SYNE1: variants seen among roughly 807,000 people sequenced by gnomAD.
SYNE1 encodes the protein spectrin repeat containing nuclear envelope protein 1, also known as nesprin-1.
Under a neutral mutation model 1,111.0 loss-of-function variants are expected in SYNE1, and 616 were observed. The ratio of observed to expected loss-of-function variants is 0.55; its 90% CI spans 0.52 to 0.59. The LOEUF is 0.59. Among genes scored for constraint, SYNE1 ranks in the 20% least tolerant of loss-of-function variants. The pLI, the probability that SYNE1 is intolerant of heterozygous loss-of-function variation, is 0.00. For missense variants in SYNE1, 10,006 were observed against 10,417.0 expected (o/e 0.96, Z 1.72); for synonymous variants, 3,855 against 3,825.8 (o/e 1.01, Z -0.28).
At chr6:152,551,552 A>G (rs2099346919) in intron 3 of SYNE1, among the ~76,000 whole-genome samples, 1 of 152,216 alleles carries the variant, frequency 6.6e-6, no homozygotes, top group African/African-American at 2.4e-5. Flanking sequence ...ACAGGAATCA[A>G]AAAGAATTAC....
intron 133 of SYNE1, among the ~76,000 whole-genome samples, chr6:152,154,045 AG>A (rs2060909538): frequency 6.6e-6 from 1 of 152,248 alleles, no homozygotes; most frequent in Non-Finnish European, 1.5e-5. Flanking sequence ...GGGCATAATT[AG>A]CAATGGTCAG....
At chr6:152,262,241 G>A in intron 100 of SYNE1, 53 bp from the exon 101 acceptor site, 1 of 1,535,638 alleles carries the variant, frequency 6.5e-7, no homozygotes. Context: ...AAAGTGATAA[G>A]ACAGGTAACT....
chr6:152,634,771 T>C (rs1364320109), intron 2 of SYNE1, among the ~76,000 whole-genome samples: 1 of 152,264 alleles, frequency 6.6e-6, no homozygotes, highest in Non-Finnish European at 1.5e-5. Flanking sequence ...AAAGTATAAA[T>C]TACAACCAAA....
chr6:152,122,826 G>T, intron 145 of SYNE1, 150 bp from the exon 146 acceptor site: 2 of 1,176,650 alleles, frequency 1.7e-6, no homozygotes, highest in East Asian at 4.9e-5. Flanking sequence ...GTGTGCCCAG[G>T]TCACCCCCCA....
rs762816030 is a variant in SYNE1, at chr6:152,391,361, C to T, written c.7920G>A (p.Val2640=). 6.2e-7 allele frequency: 1 copy of T among 1,614,092 alleles called. No homozygotes were observed. Among genetic ancestry groups the T allele is most frequent in the Non-Finnish European group, 8.5e-7 (1 of 1,180,016 alleles). ...AGGCCAGTCTGTCCTGAATGGCCTT[C>T]ACCCAGAACCACATGCTTTGCAGTG... is the stretch of plus-strand genomic sequence containing the variant. ...EEALQSMWFW[V]KAIQDRLACA... is the part of the protein sequence containing the mutation. Residue 2640 remains valine, a synonymous_variant, in exon 52 of 146, where the codon GTG becomes GTA. Coordinates refer to ENST00000367255, the MANE Select transcript of SYNE1 (RefSeq NM_182961.4).
At chr6:152,482,252 AG>A (rs1398277674) in intron 14 of SYNE1, among the ~76,000 whole-genome samples, 1 of 152,166 alleles carries the variant, frequency 6.6e-6, no homozygotes, top group African/African-American at 2.4e-5. Context: ...AAATAATAAA[AG>A]GCAATAAAAT....
chr6:152,505,347 AC>A lies in SYNE1; in HGVS notation c.631del (p.Val211LeufsTer20). 1 of 1,613,946 alleles carries A rather than the reference AC, an allele frequency of 6.2e-7. No homozygotes were observed. The highest frequency in any genetic ancestry group is 8.5e-7 in the Non-Finnish European group (1 of 1,179,972). On this transcript the variant is annotated frameshift_variant, in exon 9 of 146. Transcript: ENST00000367255. LOFTEE classifies it high-confidence loss of function. ...KDFGKSWRSG[V>X]AFHSVIHAIR... ...GGCATGAATAACTGAATGAAAGGCAACCCCGCTTCTCCAACTCTTCCCAAAA... is the reference window on the plus strand; with the variant it reads ...GGCATGAATAACTGAATGAAAGGCAACCCGCTTCTCCAACTCTTCCCAAAA...
At position 152,311,111 on chromosome 6, in the gene SYNE1, G is replaced by T. The variant is rs150550412; in HGVS notation, c.16711-238C>A. The T allele has an allele frequency of 1.3e-5, 7 of 545,920 alleles. No individual in the cohort carries two copies. In the African/African-American group the frequency reaches 1.3e-4, roughly 10 times the overall value. The allele number at this position is 545,920 out of a possible 1,614,324, so 33.8% of individuals were successfully genotyped here. ...GTGCAGAGGTCACATGTCATACTAC[G>T]TGTGGGACCATGAAGCTCCTGCTCG... On this transcript the variant is annotated intron_variant, in intron 87 of 145. Coordinates refer to ENST00000367255, the MANE Select transcript of SYNE1 (RefSeq NM_182961.4).
chr6:152,621,491 G>A (rs2099675208), intron 3 of SYNE1, among the ~76,000 whole-genome samples: 1 of 151,926 alleles, frequency 6.6e-6, no homozygotes, highest in Non-Finnish European at 1.5e-5. Flanking sequence ...TACATTACAT[G>A]CCATATAAAA....
In SYNE1 at chr6:152,352,558, A is replaced by G. The variant is rs370537662; in HGVS notation, c.11254-205T>C. 3.6e-4 allele frequency among the ~76,000 whole-genome samples: 55 copies of G among 152,132 alleles called. 1 individual carries two copies. Among genetic ancestry groups the G allele is most frequent in the African/African-American group, 1.3e-3 (55 of 41,502 alleles). On this transcript the variant is annotated intron_variant, in intron 69 of 145. Transcript: ENST00000367255. ...GCTGGGACTACAGGTGCGTGCCACC[A>G]TGCCCAGCTAATTTTTGTATTTTTT...
At chr6:152,200,233 G>A (rs916992215) in intron 127 of SYNE1, among the ~76,000 whole-genome samples, 7 of 152,130 alleles carry the variant, frequency 4.6e-5, no homozygotes, top group Non-Finnish European at 1.0e-4. Context: ...GATATTTACT[G>A]ACTTTGAAAA....
At position 152,346,907 on chromosome 6, in the gene SYNE1, A is replaced by G. The variant is rs7739640; in HGVS notation, c.12078+152T>C. ...TATGTTAGTTTTGTGTTCACATAGC[A>G]ACTGTGAAATTTATCCTCGTATTTC... is the stretch of plus-strand genomic sequence containing the variant. On this transcript the variant is annotated intron_variant, in intron 73 of 145. Coordinates refer to ENST00000367255, the MANE Select transcript of SYNE1 (RefSeq NM_182961.4). 6,024 of 820,978 alleles carry G rather than the reference A, an allele frequency of 7.3e-3. 271 individuals are homozygous for G. In the African/African-American group the frequency reaches 0.091, roughly 12 times the overall value. 50.9% of individuals were successfully genotyped at this position (820,978 alleles called of 1,614,324 possible). A position where few individuals can be genotyped will look rare whatever the true frequency, so the allele number is the denominator to read the frequency against.
chr6:152,591,012 C>T (rs964555339), intron 3 of SYNE1, among the ~76,000 whole-genome samples: 2 of 152,142 alleles, frequency 1.3e-5, no homozygotes, highest in Admixed American at 6.5e-5. Context: ...TTCTTTCAAT[C>T]TATGAGTATG....
intron 39 of SYNE1, among the ~76,000 whole-genome samples, chr6:152,420,705 A>G (rs568242072): frequency 6.6e-6 from 1 of 152,336 alleles, no homozygotes; most frequent in Non-Finnish European, 1.5e-5. Flanking sequence ...ATTTAATTAC[A>G]TAGGACTGAA....
intron 131 of SYNE1, 139 bp downstream of exon 131, chr6:152,164,024 A>G: frequency 8.5e-7 from 1 of 1,172,066 alleles, no homozygotes; most frequent in Non-Finnish European, 1.3e-6. Flanking sequence ...GCCTAGGCAA[A>G]GCCCCCTTCC....
intron 41 of SYNE1, among the ~76,000 whole-genome samples, chr6:152,415,789 T>TAAAAAAAAAAAAA (rs1209590450): frequency 2.7e-5 from 2 of 73,038 alleles, no homozygotes; most frequent in African/African-American, 1.2e-4. Flanking sequence ...TTCAAAGTGG[T>TAAAAAAAAAAAAA]AAAAAAAAAA....
chr6:152,428,426 A>C lies in SYNE1; in HGVS notation c.4789-34T>G, dbSNP rs192253425. 1.0e-3 allele frequency: 1,644 copies of C among 1,610,600 alleles called. 5 individuals are homozygous for C. The highest frequency in any genetic ancestry group is 1.1e-3 in the Non-Finnish European group (1,335 of 1,178,756). On this transcript the variant is annotated intron_variant, in intron 36 of 145. Coordinates refer to ENST00000367255, the MANE Select transcript of SYNE1 (RefSeq NM_182961.4). Reference sequence around the variant, plus strand: ...AGTGCGAGAAGAATGCAGTGAAAGCACAGGAGCCAACGAGGCCTGCATTTT... The same window carrying C: ...AGTGCGAGAAGAATGCAGTGAAAGCCCAGGAGCCAACGAGGCCTGCATTTT...
chr6:152,465,616 A>G (rs2098759815), intron 17 of SYNE1, among the ~76,000 whole-genome samples, 156 bp from the exon 18 acceptor site: 1 of 152,166 alleles, frequency 6.6e-6, no homozygotes. Context: ...CAAATGGAAA[A>G]CAAATGTATT....
At chr6:152,476,282 G>T (rs1015003601) in intron 14 of SYNE1, among the ~76,000 whole-genome samples, 2 of 152,114 alleles carry the variant, frequency 1.3e-5, no homozygotes, top group African/African-American at 4.8e-5. Flanking sequence ...TCCCAAAGCC[G>T]CTTCATTGTC....
Sources: gnomAD v4.1 joint callset for allele counts (sites outside exome capture counted in the v4.1 genomes callset) on GRCh38, gnomAD v4.1.1 for gene constraint, MANE v1.5 for transcripts, NCBI Gene and HGNC (gene_info 2026-07-23, HGNC 2026-07-21) for gene names.